The following FHIT variants were observed in gnomAD, a reference collection of about 807,000 sequenced individuals.
FHIT encodes fragile histidine triad diadenosine triphosphatase, also known as bis(5'-adenosyl)-triphosphatase.
In FHIT, 19 loss-of-function variants were observed where a neutral mutation model predicts 17.9. The ratio of observed to expected loss-of-function variants is 1.06; its 90% CI spans 0.74 to 1.56. The LOEUF is 1.56. FHIT is among the 40% of genes most tolerant of loss of function. The pLI, the probability that FHIT is intolerant of heterozygous loss-of-function variation, is 0.00. For missense variants in FHIT, 248 were observed against 189.2 expected (o/e 1.31, Z -1.82); for synonymous variants, 81 against 69.7 (o/e 1.16, Z -0.81).
intron 5 of FHIT, among the ~76,000 whole-genome samples, chr3:60,407,067 A>ATTTTTTTTTTTT (rs34542104): frequency 1.6e-5 from 1 of 62,878 alleles, no homozygotes; most frequent in African/African-American, 7.0e-5. Flanking sequence ...CCTGCCAATA[A>ATTTTTTTTTTTT]TTTTTTTTTT....
chr3:60,166,224 G>C (rs6797046), intron 5 of FHIT, among the ~76,000 whole-genome samples: 15,732 of 151,458 alleles, frequency 0.1, 1,236 homozygotes, highest in African/African-American at 0.22. Flanking sequence ...GTAAGTAGAA[G>C]AGAAGCATTA....
intron 4 of FHIT, among the ~76,000 whole-genome samples, chr3:60,795,508 G>GTT (rs201826426): frequency 0.042 from 5,989 of 142,970 alleles, 144 homozygotes; most frequent in South Asian, 0.084. Context: ...TTTGTTTTTT[G>GTT]TTTTTTTTTT....
chr3:59,784,957 A>G (rs1702768885), intron 8 of FHIT, among the ~76,000 whole-genome samples: 1 of 152,178 alleles, frequency 6.6e-6, no homozygotes, highest in South Asian at 2.1e-4. Context: ...AGGAAGCATG[A>G]TGCTGGCATC....
intron 3 of FHIT, among the ~76,000 whole-genome samples, chr3:60,921,103 A>G (rs1267699451): frequency 8.5e-5 from 13 of 152,214 alleles, no homozygotes; most frequent in African/African-American, 3.1e-4. Flanking sequence ...ACTCACAAAT[A>G]AGCAGTCTAA....
At chr3:60,203,615 A>G (rs1400792003) in intron 5 of FHIT, among the ~76,000 whole-genome samples, 2 of 152,190 alleles carry the variant, frequency 1.3e-5, no homozygotes, top group Non-Finnish European at 2.9e-5. Flanking sequence ...TATAATAACT[A>G]TTACCTGGTC....
chr3:60,937,927 C>T (rs1553773506), intron 3 of FHIT, among the ~76,000 whole-genome samples: 1 of 152,102 alleles, frequency 6.6e-6, no homozygotes, highest in Non-Finnish European at 1.5e-5. Context: ...ATCCCACAGT[C>T]TCACATAAAT....
At chr3:60,926,442 G>A (rs1707619125) in intron 3 of FHIT, among the ~76,000 whole-genome samples, 1 of 152,208 alleles carries the variant, frequency 6.6e-6, no homozygotes, top group Admixed American at 6.5e-5. Flanking sequence ...TGAACAACCT[G>A]CTCCTGAATG....
chr3:61,173,792 A>G (rs1280548312), intron 2 of FHIT, among the ~76,000 whole-genome samples: 5 of 152,204 alleles, frequency 3.3e-5, no homozygotes, highest in Non-Finnish European at 7.4e-5. Context: ...TTATACACAC[A>G]TCTTAACAGC....
At chr3:60,568,001 T>G (rs4679550) in intron 4 of FHIT, among the ~76,000 whole-genome samples, 22,732 of 152,140 alleles carry the variant, frequency 0.15, 2,138 homozygotes, top group East Asian at 0.35. Context: ...CACTTTACAG[T>G]GTTGGTGGGA....
At chr3:60,059,378 T>C (rs180759253) in intron 5 of FHIT, among the ~76,000 whole-genome samples, 99 of 152,206 alleles carry the variant, frequency 6.5e-4, no homozygotes, top group Middle Eastern at 3.4e-3. Context: ...TCCCACATGT[T>C]AGCAGGCCAC....
At chr3:60,948,773 A>T (rs1708745708) in intron 3 of FHIT, among the ~76,000 whole-genome samples, 1 of 152,210 alleles carries the variant, frequency 6.6e-6, no homozygotes, top group Non-Finnish European at 1.5e-5. Context: ...CCACAACAAA[A>T]CAATCAGCCC....
At chr3:60,906,127 T>C (rs1270188722) in intron 3 of FHIT, among the ~76,000 whole-genome samples, 1 of 152,200 alleles carries the variant, frequency 6.6e-6, no homozygotes, top group Non-Finnish European at 1.5e-5. Flanking sequence ...AAGACAGTAT[T>C]CTGAATGTAT....
rs181217801 is a variant in FHIT, at chr3:60,121,952, C to T, written c.104-107800G>A. ...ATATTTGGGTTTATTTCACTCTTTGCTCAAACCAAGGATAATTTATCAGGC... is the reference window on the plus strand; with the variant it reads ...ATATTTGGGTTTATTTCACTCTTTGTTCAAACCAAGGATAATTTATCAGGC... On this transcript the variant is annotated intron_variant, in intron 5 of 9. Coordinates refer to ENST00000492590, the MANE Select transcript of FHIT (RefSeq NM_002012.4). Among the ~76,000 whole-genome samples the T allele has an allele frequency of 2.6e-4, 39 of 152,200 alleles. 1 individual carries two copies. The East Asian group carries it at 7.4e-3, about 29-fold the overall frequency.
chr3:60,666,618 T>C (rs1317683875), intron 4 of FHIT, among the ~76,000 whole-genome samples: 1 of 152,214 alleles, frequency 6.6e-6, no homozygotes, highest in Non-Finnish European at 1.5e-5. Context: ...TGTAGGTTTC[T>C]GTCTTTCACC....
At chr3:60,091,426 G>T (rs1449604062) in intron 5 of FHIT, among the ~76,000 whole-genome samples, 3 of 152,194 alleles carry the variant, frequency 2.0e-5, no homozygotes, top group African/African-American at 4.8e-5. Flanking sequence ...GCTGCCACTT[G>T]TTGGCACCTG....
intron 1 of FHIT, among the ~76,000 whole-genome samples, chr3:61,211,176 G>A (rs935078699): frequency 1.3e-4 from 19 of 151,778 alleles, no homozygotes; most frequent in South Asian, 4.2e-4. Flanking sequence ...GCAGAGCACC[G>A]TGCACAAGCC....
chr3:60,789,707 A>G (rs959145350), intron 4 of FHIT, among the ~76,000 whole-genome samples: 1 of 152,214 alleles, frequency 6.6e-6, no homozygotes, highest in Non-Finnish European at 1.5e-5. Context: ...GACATTTCTT[A>G]GTAAAGCTTT....
rs868393852 is a variant in FHIT, at chr3:59,867,781, T to C, written c.348+54565A>G. Among the ~76,000 whole-genome samples, 6 of 152,200 alleles carry C rather than the reference T, an allele frequency of 3.9e-5. No homozygotes were observed. In the Middle Eastern group the frequency reaches 0.01, roughly 259 times the overall value. On this transcript the variant is annotated intron_variant, in intron 8 of 9. Coordinates refer to ENST00000492590, the MANE Select transcript of FHIT (RefSeq NM_002012.4). ...CTTTTGAGAGTTTCACTCTAGATTA[T>C]AGAGGACAAAATCATCTCCCCACCT...
intron 3 of FHIT, among the ~76,000 whole-genome samples, chr3:60,969,888 AG>A (rs1709922967): frequency 1.3e-5 from 2 of 152,170 alleles, no homozygotes; most frequent in Non-Finnish European, 2.9e-5. Context: ...GTTTTCAGAC[AG>A]GGTCTCCCTC....
Sources: allele counts gnomAD v4.1 joint callset (sites outside exome capture counted in the v4.1 genomes callset), GRCh38; gene constraint gnomAD v4.1.1; transcripts MANE v1.5; gene names NCBI Gene and HGNC (gene_info 2026-07-23, HGNC 2026-07-21).